The following ZNF438 variants were observed in gnomAD, a reference collection of about 807,000 sequenced individuals.
The protein encoded by ZNF438 is zinc finger protein 438.
A neutral mutation model predicts 38.0 loss-of-function variants in ZNF438; 25 were observed. The observed-to-expected ratio is 0.66, with a 90% CI of 0.48 to 0.92. The LOEUF (loss-of-function observed/expected upper bound fraction) is 0.92. Ranked by LOEUF, ZNF438 falls within the 40% of genes least tolerant of loss-of-function variation. ZNF438 has a pLI of 0.00. For missense variants in ZNF438, 1,007 were observed against 999.6 expected (o/e 1.01, Z -0.10); for synonymous variants, 372 against 364.1 (o/e 1.02, Z -0.25).
intron 1 of ZNF438, among the ~76,000 whole-genome samples, chr10:30,989,147 A>T (rs547318163): frequency 6.6e-6 from 1 of 152,314 alleles, no homozygotes; most frequent in African/African-American, 2.4e-5. Context: ...TTAAGTATAT[A>T]GCCTGCTGCT....
At position 30,944,731 on chromosome 10, in the gene ZNF438, A is replaced by C. The variant is rs576448603; in HGVS notation, c.-191-3080T>G. On this transcript the variant is annotated intron_variant, in intron 1 of 5. Transcript: ENST00000413025. ...TCAAGGGAGAGTACTAAATAATGGA[A>C]CAAATTCAAGAGAAGATGGAACAAG... is the stretch of plus-strand genomic sequence containing the variant. Among the ~76,000 whole-genome samples, 22 of 152,336 alleles carry C rather than the reference A, an allele frequency of 1.4e-4. No homozygotes were observed. The South Asian group carries it at 2.9e-3, about 20-fold the overall frequency.
chr10:30,887,231 A>AC (rs1349979148), intron 3 of ZNF438, among the ~76,000 whole-genome samples: 22 of 152,120 alleles, frequency 1.4e-4, no homozygotes, highest in Admixed American at 1.4e-3. Flanking sequence ...TTCATATCCT[A>AC]CCTTGTCTTT....
intron 3 of ZNF438, among the ~76,000 whole-genome samples, chr10:30,881,432 G>A (rs1050438473): frequency 3.9e-5 from 6 of 151,978 alleles, no homozygotes; most frequent in African/African-American, 7.2e-5. Context: ...CAAAGTATGT[G>A]AAAGACCTAT....
chr10:30,927,499 T>C (rs1422472231), intron 2 of ZNF438, among the ~76,000 whole-genome samples: 1 of 152,208 alleles, frequency 6.6e-6, no homozygotes, highest in Non-Finnish European at 1.5e-5. Context: ...TGAAGGAACA[T>C]TTCCCACCCT....
chr10:31,011,271 G>A (rs1270278252), intron 1 of ZNF438, among the ~76,000 whole-genome samples: 1 of 152,202 alleles, frequency 6.6e-6, no homozygotes. Flanking sequence ...TTCTCAGAAG[G>A]TGTCTCAAAG....
At chr10:30,935,930 G>A (rs1421533196) in intron 2 of ZNF438, among the ~76,000 whole-genome samples, 7 of 129,134 alleles carry the variant, frequency 5.4e-5, no homozygotes, top group Middle Eastern at 4.1e-3. Context: ...TGGAAATTAC[G>A]AGTATTACAA....
intron 1 of ZNF438, among the ~76,000 whole-genome samples, chr10:31,022,244 C>T (rs1457972433): frequency 6.8e-6 from 1 of 147,752 alleles, no homozygotes; most frequent in Non-Finnish European, 1.5e-5. Flanking sequence ...CGCTCTGATC[C>T]ACTACAGCTT....
At chr10:30,946,156 A>T (rs961642099) in intron 1 of ZNF438, among the ~76,000 whole-genome samples, 18 of 152,136 alleles carry the variant, frequency 1.2e-4, no homozygotes, top group Non-Finnish European at 1.0e-4. Context: ...ATGGCCAGTG[A>T]TGATGAGCAT....
intron 1 of ZNF438, among the ~76,000 whole-genome samples, chr10:31,010,892 G>GGAA (rs2055616839): frequency 4.3e-5 from 4 of 92,594 alleles, no homozygotes; most frequent in African/African-American, 2.1e-4. Context: ...GACCCTGTTT[G>GGAA]AAAAAAAAAA....
At chr10:30,936,920 T>TA (rs2046320581) in intron 2 of ZNF438, among the ~76,000 whole-genome samples, 2 of 152,212 alleles carry the variant, frequency 1.3e-5, no homozygotes, top group South Asian at 4.1e-4. Context: ...CCTCCAAACA[T>TA]AAAAAAATTT....
At chr10:30,877,038 G>A (rs1420535347) in exon 4 of ZNF438, 1 of 1,604,430 alleles carries the variant, frequency 6.2e-7, no homozygotes, top group African/African-American at 1.3e-5. Context: ...TCTGCATTAT[G>A]ATGTACTGGA....
At chr10:30,986,603 C>T (rs2052819438) in intron 1 of ZNF438, among the ~76,000 whole-genome samples, 1 of 152,056 alleles carries the variant, frequency 6.6e-6, no homozygotes, top group African/African-American at 2.4e-5. Flanking sequence ...TATCCCTTAC[C>T]CTGAAATGTT....
chr10:30,947,013 C>T (rs1216289829), intron 1 of ZNF438, among the ~76,000 whole-genome samples: 2 of 152,226 alleles, frequency 1.3e-5, no homozygotes, highest in Non-Finnish European at 2.9e-5. Context: ...TCTATTTCCT[C>T]CTTCCTGTCT....
chr10:30,916,787 T>C (rs938184223), intron 2 of ZNF438, among the ~76,000 whole-genome samples: 1 of 152,076 alleles, frequency 6.6e-6, no homozygotes, highest in Admixed American at 6.6e-5. Context: ...TCTATGTAGA[T>C]TACCAAGAGT....
chr10:30,973,137 CTG>C (rs1564769678), intron 1 of ZNF438, among the ~76,000 whole-genome samples: 1 of 152,146 alleles, frequency 6.6e-6, no homozygotes, highest in African/African-American at 2.4e-5. Context: ...GACTTAAAGA[CTG>C]CAGAAATCTG....
intron 4 of ZNF438, among the ~76,000 whole-genome samples, chr10:30,866,090 T>C (rs1422148706): frequency 6.6e-6 from 1 of 152,216 alleles, no homozygotes; most frequent in East Asian, 1.9e-4. Flanking sequence ...ACTCTCACAG[T>C]GGAACAACAA....
intron 3 of ZNF438, among the ~76,000 whole-genome samples, chr10:30,907,711 T>C (rs568565664): frequency 1.3e-5 from 2 of 152,302 alleles, no homozygotes; most frequent in East Asian, 3.9e-4. Flanking sequence ...CTTTGTTGAT[T>C]ATTCTTTTAT....
At chr10:31,007,232 G>C (rs1256141778) in intron 1 of ZNF438, among the ~76,000 whole-genome samples, 2 of 150,324 alleles carry the variant, frequency 1.3e-5, no homozygotes, top group East Asian at 2.0e-4. Flanking sequence ...CAGAATGTAA[G>C]ATAAGAAATT....
intron 1 of ZNF438, among the ~76,000 whole-genome samples, chr10:31,020,492 A>G (rs893084317): frequency 6.6e-6 from 1 of 152,156 alleles, no homozygotes; most frequent in African/African-American, 2.4e-5. Context: ...TTTTATGGGT[A>G]CTTGGCGTCA....
Sources: gnomAD v4.1 joint callset for allele counts (sites outside exome capture counted in the v4.1 genomes callset) on GRCh38, gnomAD v4.1.1 for gene constraint, MANE v1.5 for transcripts, NCBI Gene and HGNC (gene_info 2026-07-23, HGNC 2026-07-21) for gene names.